Variants in RUVBL1 observed in about 807,000 individuals in gnomAD.
The protein encoded by RUVBL1 is RuvB like AAA ATPase 1.
A neutral mutation model predicts 52.4 loss-of-function variants in RUVBL1; 4 were observed. The ratio of observed to expected loss-of-function variants is 0.08; its 90% CI spans 0.04 to 0.17. The LOEUF (loss-of-function observed/expected upper bound fraction) is 0.17, where lower values mean the gene tolerates loss of function less well. Among genes scored for constraint, RUVBL1 ranks in the 10% least tolerant of loss-of-function variants. The pLI, the probability that RUVBL1 is intolerant of heterozygous loss-of-function variation, is 1.00. For synonymous variants in RUVBL1, 217 were observed against 214.4 expected, an observed-to-expected ratio of 1.01 and a Z score of -0.10; for missense variants, 298 against 572.8, an observed-to-expected ratio of 0.52 and a Z score of 4.90.
chr3:128,076,912 C>CAAT (rs1942346186), downstream of RUVBL1, among the ~76,000 whole-genome samples: 3 of 152,190 alleles, frequency 2.0e-5, no homozygotes, highest in Admixed American at 6.5e-5. This position sits in a 1 kb window ranked among gnomAD's most constrained non-coding sequence, Gnocchi z 6.8. Context: ...CAGCTGCCGG[C>CAAT]GTCCCCATTA....
At chr3:128,150,799 T>C (rs1199429966) in intron 1 of RUVBL1, among the ~76,000 whole-genome samples, 1 of 81,436 alleles carries the variant, frequency 1.2e-5, no homozygotes, top group African/African-American at 4.8e-5. Flanking sequence ...TTCTATATAT[T>C]ATATATTCTA....
At chr3:128,097,255 G>A (rs895084911) in intron 8 of RUVBL1, 45 bp downstream of exon 8, 3 of 1,554,914 alleles carry the variant, frequency 1.9e-6, no homozygotes, top group Non-Finnish European at 2.6e-6. Context: ...AATGAGCCCA[G>A]ATGGAAGTTA....
chr3:128,121,778 AGC>A (rs1232293172), intron 1 of RUVBL1, among the ~76,000 whole-genome samples: 1 of 151,312 alleles, frequency 6.6e-6, no homozygotes. Context: ...CATAATCCCC[AGC>A]ACTGAAGCTC....
chr3:128,101,499 C>CT, intron 5 of RUVBL1, 60 bp downstream of exon 5: 1 of 1,508,006 alleles, frequency 6.6e-7, no homozygotes. Context: ...TCCCTTGTCA[C>CT]TTAGGTCTTC....
intron 1 of RUVBL1, among the ~76,000 whole-genome samples, chr3:128,134,950 C>T (rs1220241677): frequency 6.6e-6 from 1 of 152,046 alleles, no homozygotes; most frequent in Non-Finnish European, 1.5e-5. Flanking sequence ...AAAGAAAGAT[C>T]AGGGTAGACA....
intron 2 of RUVBL1, 55 bp from the exon 3 acceptor site, chr3:128,113,075 A>G (rs143644456): frequency 1.3e-6 from 2 of 1,594,250 alleles, no homozygotes; most frequent in African/African-American, 2.7e-5. Context: ...ATGACAGTTC[A>G]GAAACACATG....
intron 1 of RUVBL1, among the ~76,000 whole-genome samples, chr3:128,144,827 T>TCC (rs1164110420): frequency 1.3e-5 from 2 of 152,128 alleles, no homozygotes; most frequent in Admixed American, 1.3e-4. Flanking sequence ...CTGTAGGGGA[T>TCC]CCCCTGGTCC....
intron 1 of RUVBL1, among the ~76,000 whole-genome samples, chr3:128,146,361 T>C (rs543949229): frequency 1.3e-5 from 2 of 151,792 alleles, no homozygotes; most frequent in East Asian, 1.9e-4. Flanking sequence ...TGCTTATGCA[T>C]GGCCCCATTT....
chr3:128,123,773 A>T lies in RUVBL1; in HGVS notation c.-49T>A, dbSNP rs1943717762. The T allele has an allele frequency of 1.3e-6, 2 of 1,543,722 alleles. No homozygotes were observed. Among genetic ancestry groups the T allele is most frequent in the South Asian group, 2.3e-5 (2 of 86,264 alleles). ...CCAGCGTGGAAAACCAGCAGCTAGGACAGTGCGCCCGGCGCCTGAGTTACC... is the reference window on the plus strand; with the variant it reads ...CCAGCGTGGAAAACCAGCAGCTAGGTCAGTGCGCCCGGCGCCTGAGTTACC... On this transcript the variant is annotated 5_prime_UTR_variant, in exon 1 of 11. Coordinates refer to ENST00000322623, the MANE Select transcript of RUVBL1 (RefSeq NM_003707.3).
intron 9 of RUVBL1, chr3:128,083,436 C>CT (rs796254280): frequency 2.6e-5 from 4 of 152,408 alleles, no homozygotes; most frequent in African/African-American, 9.6e-5. Context: ...CAGCTTCAGC[C>CT]TTCCAGGAGG....
At chr3:128,080,106 GCTTA>G (rs1480529637), downstream of RUVBL1, among the ~76,000 whole-genome samples, 24 of 152,232 alleles carry the variant, frequency 1.6e-4, no homozygotes, top group Non-Finnish European at 3.2e-4. Context: ...TGCCCTTGCT[GCTTA>G]CTTAGTGGGC....
downstream of RUVBL1, among the ~76,000 whole-genome samples, chr3:128,077,382 G>C (rs1236346720): frequency 6.6e-5 from 10 of 152,218 alleles, no homozygotes; most frequent in Admixed American, 6.5e-4. Flanking sequence ...ACAAATGGAA[G>C]GGGAGTGGCT....
At chr3:128,124,764 A>G (rs1269664933), upstream of RUVBL1, among the ~76,000 whole-genome samples, 7 of 152,210 alleles carry the variant, frequency 4.6e-5, no homozygotes. Flanking sequence ...CCAGAGCAGA[A>G]GCCCCCGGAA....
intron 3 of RUVBL1, among the ~76,000 whole-genome samples, chr3:128,107,584 C>G (rs1254830808): frequency 6.6e-6 from 1 of 152,188 alleles, no homozygotes; most frequent in Non-Finnish European, 1.5e-5. Flanking sequence ...CCAGTCAGGA[C>G]AAAGACTCTC....
chr3:128,065,096 CT>C, exon 10 of RUVBL1: 1 of 1,554,262 alleles, frequency 6.4e-7, no homozygotes, highest in Non-Finnish European at 8.9e-7. Context: ...TTCAGAATGC[CT>C]TGTGTGCAGT....
chr3:128,105,109 A>G (rs1943194154), intron 3 of RUVBL1, among the ~76,000 whole-genome samples, 185 bp from the exon 4 acceptor site: 1 of 147,876 alleles, frequency 6.8e-6, no homozygotes, highest in African/African-American at 2.6e-5. Flanking sequence ...TTAGAAATGC[A>G]ACTTTTTTTT....
At chr3:128,146,992 T>C (rs976231969) in intron 1 of RUVBL1, among the ~76,000 whole-genome samples, 1 of 152,244 alleles carries the variant, frequency 6.6e-6, no homozygotes, top group Non-Finnish European at 1.5e-5. Context: ...CAAGAGCAGA[T>C]GCAGGGAGTC....
At chr3:128,137,419 T>C (rs930181870) in intron 1 of RUVBL1, among the ~76,000 whole-genome samples, 2 of 152,136 alleles carry the variant, frequency 1.3e-5, no homozygotes, top group Non-Finnish European at 1.5e-5. Context: ...AACAACTATA[T>C]GTCAATAAAT....
At chr3:128,065,406 T>G (rs889525490) in intron 9 of RUVBL1, 2 of 544,726 alleles carry the variant, frequency 3.7e-6, no homozygotes, top group African/African-American at 3.8e-5. Flanking sequence ...AGGTAACTTC[T>G]GCATCTCGGA....
Sources: gnomAD v4.1 joint callset for allele counts (sites outside exome capture counted in the v4.1 genomes callset) on GRCh38, gnomAD v4.1.1 for gene constraint, Gnocchi (gnomAD v3.1) non-coding constraint, MANE v1.5 for transcripts, NCBI Gene and HGNC (gene_info 2026-07-23, HGNC 2026-07-21) for gene names.